NYAP2: variants seen among roughly 807,000 people sequenced by gnomAD.
The protein encoded by NYAP2 is neuronal tyrosine-phosphorylated phosphoinositide-3-kinase adaptor 2.
In NYAP2, 23 loss-of-function variants were observed where a neutral mutation model predicts 50.4. That is an observed-to-expected ratio of 0.46 (90% CI 0.33 to 0.65). NYAP2 has a LOEUF of 0.65. Ranked by LOEUF, NYAP2 falls within the 30% of genes least tolerant of loss-of-function variation. The probability of loss-of-function intolerance (pLI) is 0.02; values close to 1 mark genes in which losing one functional copy is unlikely to be tolerated. For missense variants in NYAP2, 885 were observed against 861.0 expected (o/e 1.03, Z -0.35); for synonymous variants, 394 against 365.2 (o/e 1.08, Z -0.90).
Position 225,436,490 on chromosome 2 carries a change from C to T in NYAP2, c.221+27389C>T, listed in dbSNP as rs144870524. 1.2e-3 allele frequency among the ~76,000 whole-genome samples: 176 copies of T among 152,220 alleles called. 1 individual carries two copies. The highest frequency in any genetic ancestry group is 4.1e-3 in the African/African-American group (171 of 41,544). On this transcript the variant is annotated intron_variant, in intron 3 of 6. Coordinates refer to ENST00000636099, the Ensembl canonical transcript of NYAP2. Reference sequence around the variant, plus strand: ...CCCATGTGTGTCTCTGTCCAAATTTCCCTTTGTAATAACGACACCAGTCAC... The same window carrying T: ...CCCATGTGTGTCTCTGTCCAAATTTTCCTTTGTAATAACGACACCAGTCAC...
intron 3 of NYAP2, among the ~76,000 whole-genome samples, chr2:225,418,511 C>T (rs6436552): frequency 0.79 from 120,551 of 152,124 alleles, 47,968 homozygotes; most frequent in Non-Finnish European, 0.82. Flanking sequence ...CGTAGTTACA[C>T]TCTGAAGGTA....
intron 4 of NYAP2, among the ~76,000 whole-genome samples, chr2:225,542,030 AT>A (rs1691484257): frequency 6.6e-6 from 1 of 152,020 alleles, no homozygotes; most frequent in South Asian, 2.1e-4. Context: ...ATTTTATTTT[AT>A]TTGTAGCTAT....
intron 4 of NYAP2, among the ~76,000 whole-genome samples, chr2:225,571,259 G>T (rs1254149710): frequency 1.3e-5 from 2 of 152,154 alleles, no homozygotes; most frequent in East Asian, 3.9e-4. Flanking sequence ...TACCATTCTG[G>T]GGTCTGGAGG....
In NYAP2 at chr2:225,610,632, TATAGAATGGG is replaced by T. The variant is rs1692865646; in HGVS notation, c.1619-16279_1619-16270del. 5.9e-5 allele frequency among the ~76,000 whole-genome samples: 9 copies of T among 152,278 alleles called. No individual in the cohort carries two copies. The South Asian group carries it at 1.9e-3, about 32-fold the overall frequency. ...ATTTTCTCCCAAAACTATGGGATAG[TATAGAATGGG>T]ATAGATATTCTGAATTTCAGCCCCA... On this transcript the variant is annotated intron_variant, in intron 5 of 6. Coordinates refer to ENST00000636099, the Ensembl canonical transcript of NYAP2.
intron 4 of NYAP2, among the ~76,000 whole-genome samples, chr2:225,519,399 T>C (rs1416562811): frequency 6.6e-6 from 1 of 150,660 alleles, no homozygotes; most frequent in Non-Finnish European, 1.5e-5. Flanking sequence ...ATTAGGTATA[T>C]CTCCTAAAGC....
intron 4 of NYAP2, among the ~76,000 whole-genome samples, chr2:225,526,823 G>T (rs1255402231): frequency 6.6e-6 from 1 of 152,140 alleles, no homozygotes; most frequent in Admixed American, 6.5e-5. Context: ...GTGTATTCTT[G>T]TTTTATGAGG....
intron 5 of NYAP2, among the ~76,000 whole-genome samples, chr2:225,595,952 T>C (rs998340716): frequency 3.9e-5 from 6 of 152,174 alleles, no homozygotes; most frequent in Non-Finnish European, 5.9e-5. Flanking sequence ...GGTTCTAGCA[T>C]TTTTCCTCTC....
chr2:225,606,372 C>T (rs1262965340), intron 5 of NYAP2, among the ~76,000 whole-genome samples: 5 of 152,124 alleles, frequency 3.3e-5, no homozygotes, highest in Non-Finnish European at 7.4e-5. Context: ...TCTCCAACAA[C>T]ATCTAGGCCA....
chr2:225,581,981 G>A lies in NYAP2; in HGVS notation c.564G>A (p.Lys188=), dbSNP rs1327437440. 4 of 1,612,182 alleles carry A rather than the reference G, an allele frequency of 2.5e-6. No individual in the cohort carries two copies. In the African/African-American group the frequency reaches 5.3e-5, roughly 22 times the overall value. ...GACCCCACAGCGATGAATATTCCAA[G>A]AAGATTCCTCCTCCCAAACCGAAGC... Residue 188 remains lysine (K), a synonymous_variant, in exon 5 of 7, where the codon AAG becomes AAA. Coordinates refer to ENST00000636099, the Ensembl canonical transcript of NYAP2.
At chr2:225,499,315 G>A (rs1474341470) in intron 3 of NYAP2, among the ~76,000 whole-genome samples, 1 of 151,452 alleles carries the variant, frequency 6.6e-6, no homozygotes, top group African/African-American at 2.4e-5. Flanking sequence ...CAAGGAAAAG[G>A]TTACTTTTTT....
chr2:225,580,051 C>G (rs889798741), intron 4 of NYAP2, among the ~76,000 whole-genome samples: 3 of 152,170 alleles, frequency 2.0e-5, no homozygotes, highest in Non-Finnish European at 4.4e-5. Context: ...CCAGTCCATT[C>G]AATTCCTATA....
intron 4 of NYAP2, among the ~76,000 whole-genome samples, chr2:225,514,647 G>C (rs910578526): frequency 6.6e-6 from 1 of 152,044 alleles, no homozygotes; most frequent in African/African-American, 2.4e-5. Flanking sequence ...ATCATTATGG[G>C]ATTAAGTTTT....
At chr2:225,650,226 C>CATGCA (rs1447799504) in intron 6 of NYAP2, among the ~76,000 whole-genome samples, 2 of 152,094 alleles carry the variant, frequency 1.3e-5, no homozygotes, top group Non-Finnish European at 2.9e-5. Flanking sequence ...GTGAACCATT[C>CATGCA]ATGCAATGCA....
intron 3 of NYAP2, among the ~76,000 whole-genome samples, chr2:225,503,516 C>A (rs1486624778): frequency 6.6e-6 from 1 of 152,096 alleles, no homozygotes; most frequent in Non-Finnish European, 1.5e-5. Flanking sequence ...CCTTAATAAG[C>A]ATTATATTTC....
chr2:225,630,090 C>T (rs1209165066), intron 6 of NYAP2, among the ~76,000 whole-genome samples: 4 of 152,106 alleles, frequency 2.6e-5, no homozygotes, highest in Admixed American at 2.6e-4. Flanking sequence ...AAAAGTCAGC[C>T]TTCTGGATAA....
At chr2:225,425,294 T>G (rs749978727) in intron 3 of NYAP2, among the ~76,000 whole-genome samples, 52 of 152,162 alleles carry the variant, frequency 3.4e-4, no homozygotes, top group Admixed American at 1.6e-3. Flanking sequence ...ATTTATATTT[T>G]TCTTTTAGTT....
chr2:225,498,524 A>T (rs1690546238), intron 3 of NYAP2, among the ~76,000 whole-genome samples: 2 of 152,080 alleles, frequency 1.3e-5, no homozygotes, highest in African/African-American at 2.4e-5. Flanking sequence ...GGTAATCCTG[A>T]AGACTTTTAA....
intron 5 of NYAP2, among the ~76,000 whole-genome samples, chr2:225,595,933 T>C (rs1044267272): frequency 3.3e-5 from 5 of 152,216 alleles, no homozygotes; most frequent in African/African-American, 2.4e-5. Flanking sequence ...GGCTTCCTAA[T>C]TGGGCTCTGG....
chr2:225,474,217 G>C (rs1690063091), intron 3 of NYAP2, among the ~76,000 whole-genome samples: 1 of 152,190 alleles, frequency 6.6e-6, no homozygotes, highest in Non-Finnish European at 1.5e-5. Flanking sequence ...CTGTAGCCTT[G>C]TAGTATAGTT....
Sources: allele counts gnomAD v4.1 joint callset (sites outside exome capture counted in the v4.1 genomes callset), GRCh38; gene constraint gnomAD v4.1.1; transcripts MANE v1.5; gene names NCBI Gene and HGNC (gene_info 2026-07-23, HGNC 2026-07-21).